USP15: variants seen among roughly 807,000 people sequenced by gnomAD.
USP15 encodes the protein ubiquitin specific peptidase 15, also known as ubiquitin carboxyl-terminal hydrolase 15.
USP15 carries 18 observed loss-of-function variants against 127.1 expected under a neutral mutation model. The ratio of observed to expected loss-of-function variants is 0.14; its 90% CI spans 0.10 to 0.21. USP15 has a LOEUF of 0.21. Ranked by LOEUF, USP15 falls within the 10% of genes least tolerant of loss-of-function variation. The pLI is 1.00. For missense variants in USP15, 805 were observed against 1,159.9 expected, an observed-to-expected ratio of 0.69 and a Z score of 4.44; for synonymous variants, 364 against 393.7, an observed-to-expected ratio of 0.92 and a Z score of 0.89.
chr12:62,266,465 G>T (rs2063194949), intron 1 of USP15, among the ~76,000 whole-genome samples: 1 of 152,074 alleles, frequency 6.6e-6, no homozygotes, highest in Non-Finnish European at 1.5e-5. Context: ...TGAAGTGAAA[G>T]AACATTTAAA....
chr12:62,356,110 T>A (rs2066121391), intron 8 of USP15, among the ~76,000 whole-genome samples: 1 of 151,890 alleles, frequency 6.6e-6, no homozygotes, highest in South Asian at 2.1e-4. Context: ...AACTTAGGGC[T>A]GGTTATTTTA....
At chr12:62,329,733 A>G (rs2065231609) in intron 6 of USP15, among the ~76,000 whole-genome samples, 2 of 152,220 alleles carry the variant, frequency 1.3e-5, no homozygotes, top group South Asian at 4.1e-4. Flanking sequence ...ATGAAAGTAA[A>G]TGAGATACAA....
intron 1 of USP15, among the ~76,000 whole-genome samples, chr12:62,268,773 T>G (rs1283213918): frequency 6.6e-6 from 1 of 152,080 alleles, no homozygotes; most frequent in African/African-American, 2.4e-5. Flanking sequence ...TTCACATACC[T>G]TACAATTTGC....
chr12:62,331,993 C>T (rs561623579), intron 6 of USP15, among the ~76,000 whole-genome samples: 12 of 151,834 alleles, frequency 7.9e-5, no homozygotes, highest in Non-Finnish European at 1.6e-4. Flanking sequence ...GGTGAAACCC[C>T]GTCTCCACTA....
chr12:62,366,109 G>T (rs2066468965), intron 8 of USP15, among the ~76,000 whole-genome samples: 1 of 152,150 alleles, frequency 6.6e-6, no homozygotes, highest in African/African-American at 2.4e-5. Context: ...GTAGCTTGAT[G>T]GGGATAGCAT....
intron 6 of USP15, among the ~76,000 whole-genome samples, chr12:62,327,400 A>G (rs2065158158): frequency 6.6e-6 from 1 of 152,126 alleles, no homozygotes; most frequent in Admixed American, 6.6e-5. Flanking sequence ...AGATTTCATA[A>G]CTGATGAAGG....
At chr12:62,277,187 T>C (rs1188228550) in intron 1 of USP15, among the ~76,000 whole-genome samples, 1 of 152,194 alleles carries the variant, frequency 6.6e-6, no homozygotes, top group Non-Finnish European at 1.5e-5. Context: ...AAGCTGCAAC[T>C]CTTCTGAATT....
intron 1 of USP15, among the ~76,000 whole-genome samples, chr12:62,288,986 T>C (rs2063868068): frequency 6.6e-6 from 1 of 152,228 alleles, no homozygotes; most frequent in African/African-American, 2.4e-5. Flanking sequence ...TGTATTCAAT[T>C]TGCTAATATT....
chr12:62,391,369 A>C lies in USP15; in HGVS notation c.2173A>C (p.Asn725His). The change falls in exon 16 of 22, where the codon AAC (asparagine) becomes CAC (histidine). Residue 725 changes from asparagine (N) to histidine (H), a missense_variant. Around this residue, in one of 11 missense-constraint regions of USP15, gnomAD observed 225 missense variants for 239.5 expected, o/e 0.94. Transcript: ENST00000280377. ...QFNNLGNTDI[N>H]YIKDDTRHIR... is the part of the protein sequence containing the mutation. ...CAACAACTTAGGCAATACTGATATC[A>C]ACTACATCAAAGATGATACCAGGCA... is the stretch of plus-strand genomic sequence containing the variant. The C allele has an allele frequency of 6.2e-7, 1 of 1,613,062 alleles. No homozygotes were observed. The highest frequency in any genetic ancestry group is 1.1e-5 in the South Asian group (1 of 90,960).
intron 8 of USP15, among the ~76,000 whole-genome samples, chr12:62,376,781 G>A (rs574471352): frequency 2.6e-5 from 4 of 152,110 alleles, no homozygotes; most frequent in African/African-American, 4.8e-5. Context: ...AGATATTCAC[G>A]TAGGCACAAC....
intron 8 of USP15, among the ~76,000 whole-genome samples, chr12:62,375,721 T>TA (rs758162835): frequency 1.3e-5 from 2 of 152,320 alleles, no homozygotes; most frequent in East Asian, 1.9e-4. Context: ...TACATTAAAC[T>TA]AAGGAATATG....
intron 8 of USP15, among the ~76,000 whole-genome samples, chr12:62,356,846 G>C (rs1321569547): frequency 3.3e-5 from 5 of 152,014 alleles, no homozygotes; most frequent in Non-Finnish European, 4.4e-5. Context: ...GTACATGGGT[G>C]CTTAGCTTTC....
intron 6 of USP15, among the ~76,000 whole-genome samples, chr12:62,339,462 G>T (rs900744248): frequency 1.3e-5 from 2 of 152,112 alleles, no homozygotes; most frequent in Non-Finnish European, 2.9e-5. Context: ...TCCTTGTCTT[G>T]TGCTGGTTTT....
intron 1 of USP15, among the ~76,000 whole-genome samples, 199 bp downstream of exon 1, chr12:62,260,702 AG>A (rs1332668208): frequency 2.0e-5 from 3 of 152,112 alleles, no homozygotes; most frequent in Admixed American, 6.5e-5. Context: ...TTGGCTTGCC[AG>A]GGCATGCTGA....
intron 3 of USP15, among the ~76,000 whole-genome samples, chr12:62,308,530 G>T (rs1051061902): frequency 2.0e-5 from 3 of 151,982 alleles, no homozygotes; most frequent in Non-Finnish European, 1.5e-5. Context: ...CTCACTCTGG[G>T]CGAAGCCATA....
chr12:62,344,773 G>T (rs2065761671), intron 6 of USP15, among the ~76,000 whole-genome samples: 1 of 152,154 alleles, frequency 6.6e-6, no homozygotes, highest in African/African-American at 2.4e-5. Context: ...CTTGACTTCT[G>T]TACACACACA....
At chr12:62,376,073 A>G (rs1162604076) in intron 8 of USP15, among the ~76,000 whole-genome samples, 1 of 152,140 alleles carries the variant, frequency 6.6e-6, no homozygotes, top group Non-Finnish European at 1.5e-5. Flanking sequence ...CTTTCCAACC[A>G]GTCATTATAT....
At chr12:62,398,045 G>A (rs943948751) in intron 20 of USP15, among the ~76,000 whole-genome samples, 4 of 151,098 alleles carry the variant, frequency 2.6e-5, no homozygotes, top group Non-Finnish European at 4.4e-5. Flanking sequence ...AGGCTGGAGT[G>A]CAGTCGCATG....
chr12:62,359,106 T>A (rs973776938), intron 8 of USP15, among the ~76,000 whole-genome samples: 1 of 152,062 alleles, frequency 6.6e-6, no homozygotes, highest in African/African-American at 2.4e-5. Flanking sequence ...TAAGTAGATA[T>A]GGTAAAATTG....
Sources: gnomAD v4.1 joint callset for allele counts (sites outside exome capture counted in the v4.1 genomes callset) on GRCh38, gnomAD v4.1.1 for gene constraint, gnomAD v4.1.1 regional missense constraint, MANE v1.5 for transcripts, NCBI Gene and HGNC (gene_info 2026-07-23, HGNC 2026-07-21) for gene names.